Variants in MORC3 observed in about 807,000 individuals in gnomAD.
MORC3 encodes the protein MORC family CW-type zinc finger protein 3.
Under a neutral mutation model 109.1 loss-of-function variants are expected in MORC3, and 31 were observed. That is an observed-to-expected ratio of 0.28 (90% CI 0.21 to 0.38). The LOEUF is 0.38. Ranked by LOEUF, MORC3 falls within the 10% of genes least tolerant of loss-of-function variation. MORC3 has a pLI of 1.00. For missense variants in MORC3, 867 were observed against 1,135.8 expected (o/e 0.76, Z 3.40); for synonymous variants, 395 against 380.7 (o/e 1.04, Z -0.44).
chr21:36,326,497 C>G (rs1046979379), intron 1 of MORC3, among the ~76,000 whole-genome samples: 1 of 152,156 alleles, frequency 6.6e-6, no homozygotes, highest in Non-Finnish European at 1.5e-5. Flanking sequence ...CCAGCCTGGA[C>G]AACAGAGCAA....
chr21:36,331,559 G>A (rs533873025), intron 1 of MORC3, among the ~76,000 whole-genome samples: 49 of 151,990 alleles, frequency 3.2e-4, no homozygotes, highest in African/African-American at 1.2e-3. Context: ...CTGAGATGGC[G>A]CCACTGCACT....
Position 36,335,982 on chromosome 21 carries a change from A to T in MORC3, c.113-892A>T, listed in dbSNP as rs138456986. On this transcript the variant is annotated intron_variant, in intron 2 of 16. Coordinates refer to ENST00000400485, the MANE Select transcript of MORC3 (RefSeq NM_015358.3). ...CTCTTGTTGCCCAGGCTCGAGTGCA[A>T]TGGCGCTATCTCAGCTCATTGCAAC... 2.6e-5 allele frequency among the ~76,000 whole-genome samples: 4 copies of T among 151,246 alleles called. No homozygotes were observed. In the East Asian group the frequency reaches 7.9e-4, roughly 30 times the overall value.
chr21:36,354,198 G>T (rs566312094), intron 9 of MORC3, among the ~76,000 whole-genome samples: 57 of 152,226 alleles, frequency 3.7e-4, no homozygotes, highest in South Asian at 8.3e-4. Context: ...GAGGAAGAAG[G>T]GGGATTGGTT....
In MORC3 at chr21:36,320,204, T is replaced by C. The variant is rs1483584103; in HGVS notation, c.-61T>C. On this transcript the variant is annotated 5_prime_UTR_variant, in exon 1 of 17. Coordinates refer to ENST00000400485, the MANE Select transcript of MORC3 (RefSeq NM_015358.3). ...CGGTACCCATAGGGCTCCACAGTCGTTCCGCCACCTCCCAGTCGGGTTGCG... is the reference window on the plus strand; with the variant it reads ...CGGTACCCATAGGGCTCCACAGTCGCTCCGCCACCTCCCAGTCGGGTTGCG... 5.8e-6 allele frequency: 9 copies of C among 1,553,172 alleles called. No individual in the cohort carries two copies. In the East Asian group the frequency reaches 9.8e-5, roughly 17 times the overall value.
intron 8 of MORC3, among the ~76,000 whole-genome samples, chr21:36,345,482 C>T (rs149371565): frequency 8.1e-4 from 123 of 151,392 alleles, no homozygotes; most frequent in African/African-American, 2.4e-3. Context: ...AGTGCAGTGG[C>T]GATATCTCGG....
rs1225824139 is a variant in MORC3, at chr21:36,337,906, G to A, written c.420G>A (p.Ala140=). 1 of 1,614,110 alleles carries A rather than the reference G, an allele frequency of 6.2e-7. No homozygotes were observed. The highest frequency in any genetic ancestry group is 8.5e-7 in the Non-Finnish European group (1 of 1,180,014). Residue 140 remains alanine, a synonymous_variant, in exon 4 of 17, where the codon GCG becomes GCA. Transcript: ENST00000400485. Reference sequence around the variant, plus strand: ...AGACCTACTTGGAAGTCATAAAAGCGGAGCATGTTGTTGTTCCAATAGTGG... The same window carrying A: ...AGACCTACTTGGAAGTCATAAAAGCAGAGCATGTTGTTGTTCCAATAGTGG... ...LSQTYLEVIK[A]EHVVVPIVAF... is the part of the protein sequence containing the mutation.
intron 14 of MORC3, 138 bp from the exon 15 acceptor site, chr21:36,368,850 C>T: frequency 1.3e-6 from 1 of 778,762 alleles, no homozygotes; most frequent in Non-Finnish European, 2.0e-6. Flanking sequence ...GCACTCTAGC[C>T]TGGGCGACAG....
rs1569103226 is a variant in MORC3 at position 36,356,647 on chromosome 21, G to A, written c.1131G>A (p.Lys377=). 2.5e-6 allele frequency: 4 copies of A among 1,603,970 alleles called. No homozygotes were observed. The highest frequency in any genetic ancestry group is 3.4e-6 in the Non-Finnish European group (4 of 1,176,416). Residue 377 remains lysine, a synonymous_variant, in exon 10 of 17, where the codon AAG becomes AAA. Coordinates refer to ENST00000400485, the MANE Select transcript of MORC3 (RefSeq NM_015358.3). Reference sequence around the variant, plus strand: ...TTACAATAACAGCACTAGGAGAAAAGCTGAATGATTACTGGAATGAAATGA... The same window carrying A: ...TTACAATAACAGCACTAGGAGAAAAACTGAATGATTACTGGAATGAAATGA... The part of the protein sequence containing the change: ...YRLTITALGE[K]LNDYWNEMKV...
At chr21:36,320,805 A>C (rs1299800786) in intron 1 of MORC3, 2 of 155,428 alleles carry the variant, frequency 1.3e-5, no homozygotes, top group African/African-American at 4.8e-5. Context: ...CAGTGCCTGC[A>C]GCTTCCTTGG....
At chr21:36,342,377 A>G (rs1383234724) in intron 6 of MORC3, among the ~76,000 whole-genome samples, 4 of 152,102 alleles carry the variant, frequency 2.6e-5, no homozygotes, top group Non-Finnish European at 5.9e-5. Flanking sequence ...TTTTCCCTTT[A>G]GAAATGAGGT....
chr21:36,331,621 A>AAAC (rs1446863833), intron 1 of MORC3, among the ~76,000 whole-genome samples: 3 of 151,320 alleles, frequency 2.0e-5, no homozygotes, highest in African/African-American at 7.3e-5. Context: ...AAAAACAAAC[A>AAAC]AAAAAACTAC....
chr21:36,359,445 G>A (rs753373741), intron 10 of MORC3, among the ~76,000 whole-genome samples: 21 of 150,338 alleles, frequency 1.4e-4, no homozygotes, highest in Non-Finnish European at 2.2e-4. Context: ...CAAAATAGTT[G>A]TTTTTAAAAT....
intron 10 of MORC3, among the ~76,000 whole-genome samples, chr21:36,357,881 C>T (rs1601532525): frequency 6.6e-6 from 1 of 151,714 alleles, no homozygotes; most frequent in African/African-American, 2.4e-5. Flanking sequence ...GCTGGGACTA[C>T]AGGCGTGTGC....
chr21:36,360,515 G>A, intron 12 of MORC3: 1 of 455,098 alleles, frequency 2.2e-6, no homozygotes, highest in Admixed American at 4.9e-5. Context: ...GTATGCAGAG[G>A]AATCATTAGT....
intron 1 of MORC3, among the ~76,000 whole-genome samples, chr21:36,329,213 T>C (rs985953716): frequency 6.6e-6 from 1 of 151,934 alleles, no homozygotes; most frequent in Non-Finnish European, 1.5e-5. Context: ...GAGAATCGCT[T>C]GAACCCGGGA....
At chr21:36,346,746 C>T (rs1339736677) in intron 8 of MORC3, among the ~76,000 whole-genome samples, 1 of 151,968 alleles carries the variant, frequency 6.6e-6, no homozygotes, top group African/African-American at 2.4e-5. Context: ...GAAGTTGAGG[C>T]TGTAGTGAGC....
chr21:36,370,637 ATATTTTTTTTT>A (rs1435232949), intron 15 of MORC3, among the ~76,000 whole-genome samples: 112 of 28,644 alleles, frequency 3.9e-3, no homozygotes, highest in South Asian at 8.2e-3. Context: ...ATATATATAT[ATATTTTTTTTT>A]TTTTTTTTTT....
intron 9 of MORC3, among the ~76,000 whole-genome samples, chr21:36,352,231 G>GA (rs1213310248): frequency 6.6e-6 from 1 of 152,124 alleles, no homozygotes; most frequent in Admixed American, 6.6e-5. Flanking sequence ...CAAAAACTGT[G>GA]AATCAAAGGG....
At chr21:36,325,900 T>C (rs1448639139) in intron 1 of MORC3, among the ~76,000 whole-genome samples, 2 of 152,220 alleles carry the variant, frequency 1.3e-5, no homozygotes, top group African/African-American at 4.8e-5. Context: ...GCTGTTGTTG[T>C]ATCATTCTAT....
Sources: gnomAD v4.1 joint callset for allele counts (sites outside exome capture counted in the v4.1 genomes callset) on GRCh38, gnomAD v4.1.1 for gene constraint, MANE v1.5 for transcripts, NCBI Gene and HGNC (gene_info 2026-07-23, HGNC 2026-07-21) for gene names.